ADCY10: variants seen among roughly 807,000 people sequenced by gnomAD.
ADCY10 encodes adenylate cyclase 10, also known as adenylate cyclase type 10.
ADCY10 carries 156 observed loss-of-function variants against 183.3 expected under a neutral mutation model. The observed-to-expected ratio is 0.85, with a 90% CI of 0.75 to 0.97. The LOEUF is 0.97. Ranked by LOEUF, ADCY10 falls within the 50% of genes least tolerant of loss-of-function variation. The probability of loss-of-function intolerance (pLI) is 0.00; values close to 1 mark genes in which losing one functional copy is unlikely to be tolerated. For synonymous variants in ADCY10, 645 were observed against 670.0 expected (o/e 0.96, Z 0.58); for missense variants, 1,745 against 1,934.3 (o/e 0.90, Z 1.84).
In ADCY10 at chr1:167,837,282, G is replaced by C. The variant is rs1346659046; in HGVS notation, c.3044C>G (p.Pro1015Arg). The C allele has an allele frequency of 1.2e-6, 2 of 1,613,936 alleles. No individual in the cohort carries two copies. The highest frequency in any genetic ancestry group is 1.7e-6 in the Non-Finnish European group (2 of 1,179,966). ...EKLILSNSEIPETSAFFPENR... is the reference protein window; with the variant it reads ...EKLILSNSEIRETSAFFPENR... ...TTCAGGAAAAAATGCAGATGTCTCA[G>C]GAATCTCTGAGTTGGACAAGATAAG... Residue 1015 changes from proline to arginine, a missense_variant, in exon 22 of 33, where the codon CCT becomes CGT. Physicochemically the swap from Pro to Arg is moderately radical, Grantham distance 103. Transcript: ENST00000367851.
At chr1:167,886,499 A>G (rs1668233998) in intron 8 of ADCY10, among the ~76,000 whole-genome samples, 1 of 152,234 alleles carries the variant, frequency 6.6e-6, no homozygotes, top group Non-Finnish European at 1.5e-5. Flanking sequence ...AGCCATATGT[A>G]GAAAGCTGAA....
intron 8 of ADCY10, among the ~76,000 whole-genome samples, chr1:167,891,347 G>A (rs1668574473): frequency 6.6e-6 from 1 of 151,874 alleles, no homozygotes; most frequent in South Asian, 2.1e-4. Context: ...CAACACAACA[G>A]GCACAGGGAA....
At chr1:167,909,028 C>T (rs1669982944) in intron 1 of ADCY10, among the ~76,000 whole-genome samples, 1 of 152,148 alleles carries the variant, frequency 6.6e-6, no homozygotes, top group African/African-American at 2.4e-5. Flanking sequence ...AAAACATTAC[C>T]AGCTTTCCAG....
chr1:167,889,204 G>A (rs900310295), intron 8 of ADCY10, among the ~76,000 whole-genome samples: 15 of 152,098 alleles, frequency 9.9e-5, no homozygotes, highest in African/African-American at 3.6e-4. Context: ...GATACTAGTG[G>A]TCGGTCTATT....
In ADCY10 at chr1:167,893,866, C is replaced by G. The variant is rs1433406624; in HGVS notation, c.815G>C (p.Ser272Thr). The change falls in exon 8 of 33, where the codon AGC becomes ACC. Residue 272 changes from serine to threonine, a missense_variant. By Grantham distance (58) the Ser-to-Thr change is moderately conservative. Coordinates refer to ENST00000367851, the MANE Select transcript of ADCY10 (RefSeq NM_018417.6). Reference protein sequence around the residue: ...EMSLQKYVMESILKQIDNKQL... With the variant: ...EMSLQKYVMETILKQIDNKQL... ...TTTTGAAAATACCTGCTTCAAAATG[C>G]TTTCCATCACATACTTTTGTAGGGA... 8.1e-6 allele frequency: 13 copies of G among 1,612,798 alleles called. No individual in the cohort carries two copies. In the Admixed American group the frequency reaches 2.2e-4, roughly 27 times the overall value.
chr1:167,864,895 GAAA>G (rs59361245), intron 14 of ADCY10, among the ~76,000 whole-genome samples: 1 of 129,258 alleles, frequency 7.7e-6, no homozygotes, highest in African/African-American at 2.8e-5. Context: ...TTGCTAACAG[GAAA>G]AAAAAAAAAA....
intron 13 of ADCY10, among the ~76,000 whole-genome samples, chr1:167,873,853 A>T (rs879788475): frequency 6.6e-6 from 1 of 152,358 alleles, no homozygotes; most frequent in East Asian, 1.9e-4. Flanking sequence ...TGATTACATT[A>T]AAGTTAAGAA....
intron 8 of ADCY10, among the ~76,000 whole-genome samples, chr1:167,885,276 T>C (rs1032522492): frequency 6.6e-6 from 1 of 152,196 alleles, no homozygotes; most frequent in Non-Finnish European, 1.5e-5. Flanking sequence ...CTTCAATATA[T>C]TGATTTCTTT....
intron 13 of ADCY10, among the ~76,000 whole-genome samples, chr1:167,872,641 T>G (rs1667185629): frequency 6.6e-6 from 1 of 151,732 alleles, no homozygotes; most frequent in African/African-American, 2.4e-5. Context: ...GCAGCCCTTG[T>G]AAAAGAAGGG....
chr1:167,833,945 A>G (rs1466468588), intron 24 of ADCY10, 25 bp downstream of exon 24: 1 of 1,570,126 alleles, frequency 6.4e-7, no homozygotes. Flanking sequence ...TAACAGATAA[A>G]TTCAAGTCTT....
At position 167,837,251 on chromosome 1, in the gene ADCY10, G is replaced by A; in HGVS notation, c.3075C>T (p.Arg1025=). 2 of 1,612,262 alleles carry A rather than the reference G, an allele frequency of 1.2e-6. No homozygotes were observed. The highest frequency in any genetic ancestry group is 1.7e-6 in the Non-Finnish European group (2 of 1,178,442). ...TAAACAATGATATATGCCTCTACCT[G>A]CGATTTTCAGGAAAAAATGCAGATG... The part of the protein sequence containing the change: ...PETSAFFPEN[R]SPEEIREKIL... Residue 1025 remains arginine (R), a splice_region_variant and synonymous_variant, in exon 22 of 33, where the codon CGC becomes CGT. Transcript: ENST00000367851.
intron 19 of ADCY10, 64 bp from the exon 20 acceptor site, chr1:167,846,327 A>G (rs2101971779): frequency 6.3e-7 from 1 of 1,576,598 alleles, no homozygotes; most frequent in Non-Finnish European, 8.7e-7. Flanking sequence ...TGCTGTATTT[A>G]ATATAGAGCA....
chr1:167,836,644 G>A (rs1664226079), intron 22 of ADCY10, 104 bp from the exon 23 acceptor site: 1 of 829,330 alleles, frequency 1.2e-6, no homozygotes, highest in Non-Finnish European at 2.0e-6. Context: ...AATTCCAGCA[G>A]TTTGGGAGGC....
chr1:167,883,478 T>A lies in ADCY10; in HGVS notation c.979A>T (p.Ile327Phe). The A allele has an allele frequency of 6.2e-7, 1 of 1,614,254 alleles. No individual in the cohort carries two copies. The change falls in exon 9 of 33, where the codon ATC (isoleucine) becomes TTC (phenylalanine). Residue 327 changes from isoleucine (I) to phenylalanine (F), a missense_variant. Physicochemically the swap from Ile to Phe is conservative, Grantham distance 21. Transcript: ENST00000367851. ...ACTTTATTGATTTGGCCTTGGAAGA[T>A]CTTCAGGACAGAAGTGATGTGCATA... ...AYMHITSVLK[I>F]FQGQINKVFM...
chr1:167,864,464 C>T, intron 14 of ADCY10, among the ~76,000 whole-genome samples: 1 of 152,052 alleles, frequency 6.6e-6, no homozygotes, highest in Non-Finnish European at 1.5e-5. Flanking sequence ...AACCTGTAAG[C>T]CAAGGCACAC....
At chr1:167,821,910 T>C (rs995617578) in intron 30 of ADCY10, 114 bp downstream of exon 30, 10 of 780,120 alleles carry the variant, frequency 1.3e-5, no homozygotes, top group Non-Finnish European at 2.0e-5. Context: ...TCTGACACCC[T>C]TAAGCTGTCT....
intron 1 of ADCY10, among the ~76,000 whole-genome samples, chr1:167,910,101 C>T (rs115351538): frequency 0.016 from 2,481 of 152,294 alleles, 66 homozygotes; most frequent in African/African-American, 0.055. Context: ...AGATGCAAGT[C>T]TGCCAATGCT....
chr1:167,871,413 G>A (rs1001051369), intron 13 of ADCY10, among the ~76,000 whole-genome samples: 3 of 152,138 alleles, frequency 2.0e-5, no homozygotes, highest in African/African-American at 7.2e-5. Context: ...AGAAAATATG[G>A]AAAACTTGGA....
At chr1:167,825,136 A>G (rs570526799) in intron 26 of ADCY10, among the ~76,000 whole-genome samples, 7 of 152,372 alleles carry the variant, frequency 4.6e-5, no homozygotes, top group African/African-American at 1.4e-4. Context: ...CTTACATATT[A>G]GATGTATAAT....
Sources: gnomAD v4.1 joint callset for allele counts (sites outside exome capture counted in the v4.1 genomes callset) on GRCh38, gnomAD v4.1.1 for gene constraint, MANE v1.5 for transcripts, NCBI Gene and HGNC (gene_info 2026-07-23, HGNC 2026-07-21) for gene names.